IL1R1: variants seen among roughly 807,000 people sequenced by gnomAD.
IL1R1 encodes interleukin-1 receptor type 1.
Under a neutral mutation model 50.2 loss-of-function variants are expected in IL1R1, and 22 were observed. The ratio of observed to expected loss-of-function variants is 0.44; its 90% CI spans 0.31 to 0.63. The LOEUF is 0.63. Ranked by LOEUF, IL1R1 falls within the 20% of genes least tolerant of loss-of-function variation. The pLI is 0.07. For missense variants in IL1R1, 509 were observed against 676.2 expected (o/e 0.75, Z 2.74); for synonymous variants, 251 against 236.7 (o/e 1.06, Z -0.55).
chr2:102,128,548 G>A (rs1206279101), intron 1 of IL1R1, among the ~76,000 whole-genome samples: 1 of 152,006 alleles, frequency 6.6e-6, no homozygotes, highest in Non-Finnish European at 1.5e-5. Context: ...ACATTATTTT[G>A]CCATCAAGGG....
chr2:102,173,750 G>A (rs753703365), intron 9 of IL1R1, among the ~76,000 whole-genome samples: 1 of 152,166 alleles, frequency 6.6e-6, no homozygotes, highest in Non-Finnish European at 1.5e-5. Context: ...GTTTGTATGG[G>A]TGTGTTTTTG....
At chr2:102,103,035 C>T (rs1446737771), upstream of IL1R1, among the ~76,000 whole-genome samples, 1 of 152,058 alleles carries the variant, frequency 6.6e-6, no homozygotes, top group Non-Finnish European at 1.5e-5. Context: ...TTGAAACTAC[C>T]TATAGGGTAC....
intron 1 of IL1R1, among the ~76,000 whole-genome samples, chr2:102,152,390 A>G (rs1002167891): frequency 6.6e-6 from 1 of 151,508 alleles, no homozygotes; most frequent in African/African-American, 2.4e-5. Context: ...CTGTAGTCCC[A>G]GCTACTCAGG....
At chr2:102,100,003 C>G (rs1365904673), upstream of IL1R1, among the ~76,000 whole-genome samples, 2 of 152,112 alleles carry the variant, frequency 1.3e-5, no homozygotes, top group East Asian at 3.9e-4. Context: ...CTGCTCTGCC[C>G]TTCTGCTGTA....
At chr2:102,105,282 T>C (rs1680339142) in intron 1 of IL1R1, among the ~76,000 whole-genome samples, 1 of 152,232 alleles carries the variant, frequency 6.6e-6, no homozygotes, top group Non-Finnish European at 1.5e-5. Flanking sequence ...TTGAGACTTA[T>C]TTTATCACTT....
intron 1 of IL1R1, among the ~76,000 whole-genome samples, chr2:102,090,727 CT>C (rs1341513413): frequency 6.6e-6 from 1 of 152,056 alleles, no homozygotes; most frequent in Non-Finnish European, 1.5e-5. Flanking sequence ...TCTGCATCTT[CT>C]TGAGGGTATT....
rs149448935 is a variant in IL1R1, at chr2:102,176,483, T to C, written c.1434T>C (p.Leu478=). 327 of 1,614,234 alleles carry C rather than the reference T, an allele frequency of 2.0e-4. No individual in the cohort carries two copies. The highest frequency in any genetic ancestry group is 8.0e-4 in the Admixed American group (48 of 60,036). Residue 478 remains leucine, a synonymous_variant, in exon 12 of 12, where the codon CTT becomes CTC. Coordinates refer to ENST00000410023, the MANE Select transcript of IL1R1 (RefSeq NM_000877.4). ...AGCAAATAGCCATGTATAATGCTCT[T>C]GTTCAGGATGGAATTAAAGTTGTCC... is the stretch of plus-strand genomic sequence containing the variant. ...SEEQIAMYNA[L]VQDGIKVVLL...
intron 1 of IL1R1, among the ~76,000 whole-genome samples, chr2:102,073,282 T>A (rs565235542): frequency 6.6e-6 from 1 of 152,188 alleles, no homozygotes; most frequent in African/African-American, 2.4e-5. Flanking sequence ...CTTATTCTCA[T>A]GTAGCCTAAA....
intron 1 of IL1R1, among the ~76,000 whole-genome samples, chr2:102,149,502 C>T (rs1023098948): frequency 6.6e-6 from 1 of 152,180 alleles, no homozygotes; most frequent in Non-Finnish European, 1.5e-5. Flanking sequence ...AGACACATCC[C>T]TCAGCATGGC....
chr2:102,126,247 C>T (rs186420374), intron 1 of IL1R1, among the ~76,000 whole-genome samples: 5 of 152,302 alleles, frequency 3.3e-5, no homozygotes, highest in Admixed American at 3.3e-4. Flanking sequence ...AGCTAGAAGA[C>T]AGAAAGGAGT....
upstream of IL1R1, among the ~76,000 whole-genome samples, chr2:102,140,099 A>C (rs1221009868): frequency 3.9e-5 from 6 of 152,190 alleles, no homozygotes; most frequent in African/African-American, 1.4e-4. Context: ...ATTACCATAC[A>C]TTCTTCTGTA....
chr2:102,104,234 G>C (rs1004460690), upstream of IL1R1, among the ~76,000 whole-genome samples: 4 of 152,112 alleles, frequency 2.6e-5, no homozygotes, highest in Non-Finnish European at 5.9e-5. Context: ...CCTGAATAAA[G>C]AGTCCTGCAG....
Position 102,179,654 on chromosome 2 carries a change from C to G in IL1R1, c.*2895C>G, listed in dbSNP as rs1192517506. 1 of 152,658 alleles carries G rather than the reference C, an allele frequency of 6.6e-6. No individual in the cohort carries two copies. The highest frequency in any genetic ancestry group is 1.5e-5 in the Non-Finnish European group (1 of 68,030). 9.5% of individuals were successfully genotyped at this position (152,658 alleles called of 1,614,324 possible). A position where few individuals can be genotyped will look rare whatever the true frequency, so the allele number is the denominator to read the frequency against. The stretch of plus-strand genomic sequence containing the variant: ...TTTATATTTTCCCTCTCTTGCCTTT[C>G]TTATTTGCAATAAAAGGTATTGAGC... On this transcript the variant is annotated 3_prime_UTR_variant, in exon 12 of 12. Coordinates refer to ENST00000410023, the MANE Select transcript of IL1R1 (RefSeq NM_000877.4).
In IL1R1 at chr2:102,171,862, G is replaced by A; in HGVS notation, c.783G>A (p.Lys261=). 6.2e-7 allele frequency: 1 copy of A among 1,610,394 alleles called. No homozygotes were observed. ...TGQLSDIAYW[K]WNGSVIDEDD... ...AGTTGAGTGACATTGCTTACTGGAAGTGGAATGGGTCAGTAATTGATGAAG... is the reference window on the plus strand; with the variant it reads ...AGTTGAGTGACATTGCTTACTGGAAATGGAATGGGTCAGTAATTGATGAAG... The change falls in exon 8 of 12, where the codon AAG becomes AAA. Residue 261 remains lysine (K), a synonymous_variant. Transcript: ENST00000410023.
chr2:102,123,999 G>T (rs4851541), intron 1 of IL1R1, among the ~76,000 whole-genome samples: 60,114 of 151,804 alleles, frequency 0.4, 12,672 homozygotes, highest in East Asian at 0.46. Context: ...GGTTTATCTT[G>T]TGAGATCACC....
At chr2:102,107,092 T>G (rs1258456383) in intron 1 of IL1R1, among the ~76,000 whole-genome samples, 1 of 152,180 alleles carries the variant, frequency 6.6e-6, no homozygotes, top group African/African-American at 2.4e-5. Context: ...GAAAGTTTAA[T>G]TAATTTATGT....
chr2:102,119,253 T>G (rs1048969485), intron 1 of IL1R1, among the ~76,000 whole-genome samples: 1 of 152,194 alleles, frequency 6.6e-6, no homozygotes, highest in African/African-American at 2.4e-5. Flanking sequence ...TTTATTGCAC[T>G]TCAAAAGTAT....
At chr2:102,162,130 G>A (rs1328041554) in intron 3 of IL1R1, among the ~76,000 whole-genome samples, 1 of 152,138 alleles carries the variant, frequency 6.6e-6, no homozygotes, top group Non-Finnish European at 1.5e-5. Context: ...ACAAAATCGT[G>A]TATATTTACA....
Position 102,177,124 on chromosome 2 carries a change from G to C in IL1R1, c.*365G>C, listed in dbSNP as rs1686209852. ...CTACTAAAAATACAAAAATGAGCTA[G>C]GCATGGTGGCACACGCCTGTAATCC... On this transcript the variant is annotated 3_prime_UTR_variant, in exon 12 of 12. Coordinates refer to ENST00000410023, the MANE Select transcript of IL1R1 (RefSeq NM_000877.4). 6 of 221,678 alleles carry C rather than the reference G, an allele frequency of 2.7e-5. No homozygotes were observed. The South Asian group carries it at 3.6e-4, about 13-fold the overall frequency. 13.7% of individuals were successfully genotyped at this position (221,678 alleles called of 1,614,324 possible).
Sources: allele counts gnomAD v4.1 joint callset (sites outside exome capture counted in the v4.1 genomes callset), GRCh38; gene constraint gnomAD v4.1.1; transcripts MANE v1.5; gene names NCBI Gene and HGNC (gene_info 2026-07-23, HGNC 2026-07-21).